The following DGKB variants were observed in gnomAD, a reference collection of about 807,000 sequenced individuals.
The protein encoded by DGKB is 90 kDa diacylglycerol kinase.
In DGKB, 67 loss-of-function variants were observed where a neutral mutation model predicts 114.3. The ratio of observed to expected loss-of-function variants is 0.59; its 90% CI spans 0.48 to 0.72. The LOEUF (loss-of-function observed/expected upper bound fraction) is 0.72. Ranked by LOEUF, DGKB falls within the 30% of genes least tolerant of loss-of-function variation. The pLI, the probability that DGKB is intolerant of heterozygous loss-of-function variation, is 0.00. For synonymous variants in DGKB, 398 were observed against 323.1 expected, an observed-to-expected ratio of 1.23 and a Z score of -2.49; for missense variants, 907 against 975.2, an observed-to-expected ratio of 0.93 and a Z score of 0.93.
At chr7:14,803,577 C>G (rs1160373775) in intron 2 of DGKB, among the ~76,000 whole-genome samples, 1 of 152,080 alleles carries the variant, frequency 6.6e-6, no homozygotes, top group Non-Finnish European at 1.5e-5. Context: ...GTTTCTTCAA[C>G]ACTGTTAGAC....
At chr7:14,866,763 G>T (rs1467804368) in intron 1 of DGKB, among the ~76,000 whole-genome samples, 1 of 152,018 alleles carries the variant, frequency 6.6e-6, no homozygotes, top group Non-Finnish European at 1.5e-5. Flanking sequence ...CTTGATGATT[G>T]GATCATATAG....
At chr7:14,173,929 G>A (rs1446172388) in intron 25 of DGKB, among the ~76,000 whole-genome samples, 2 of 152,090 alleles carry the variant, frequency 1.3e-5, no homozygotes, top group Admixed American at 6.5e-5. Flanking sequence ...TTTAACAATT[G>A]TAAGTCATGA....
At chr7:14,652,103 C>G (rs1383486400) in intron 13 of DGKB, among the ~76,000 whole-genome samples, 1 of 123,680 alleles carries the variant, frequency 8.1e-6, no homozygotes, top group Non-Finnish European at 1.7e-5. Context: ...CAATGCCATC[C>G]CCATCAAGCT....
chr7:14,324,668 A>G (rs1363576218), intron 23 of DGKB, among the ~76,000 whole-genome samples: 2 of 152,188 alleles, frequency 1.3e-5, no homozygotes, highest in African/African-American at 4.8e-5. Flanking sequence ...ATAAGAACCT[A>G]GACATACTAC....
Position 14,618,845 on chromosome 7 carries a change from T to C in DGKB, c.1284+2533A>G, listed in dbSNP as rs866860130. 7.6e-5 allele frequency among the ~76,000 whole-genome samples: 11 copies of C among 144,736 alleles called. No individual in the cohort carries two copies. The South Asian group carries it at 2.4e-3, about 32-fold the overall frequency. The allele number at this position is 144,736 out of a possible 152,430, so 95.0% of individuals were successfully genotyped here. On this transcript the variant is annotated intron_variant, in intron 15 of 25. Coordinates refer to ENST00000402815, the MANE Select transcript of DGKB (RefSeq NM_001350709.2). ...TAGATCTCTTCTGTCACTGAAGTTA[T>C]ATGCAAACTGGGCTGCAACTCAATG...
intron 20 of DGKB, among the ~76,000 whole-genome samples, chr7:14,504,575 C>T (rs987726572): frequency 1.6e-4 from 24 of 152,074 alleles, no homozygotes; most frequent in African/African-American, 5.3e-4. Context: ...ATTACTAATG[C>T]ACTGTAAAAT....
chr7:14,882,665 C>G lies in DGKB; in HGVS notation c.-188+19927G>C, dbSNP rs558928037. 1.6e-4 allele frequency among the ~76,000 whole-genome samples: 25 copies of G among 151,908 alleles called. 2 individuals are homozygous for G. In the South Asian group the frequency reaches 4.8e-3, roughly 29 times the overall value. On this transcript the variant is annotated intron_variant, in intron 1 of 25. Coordinates refer to ENST00000402815, the MANE Select transcript of DGKB (RefSeq NM_001350709.2). ...TACCCATGTGCACAGTTTTTAGCAC[C>G]CACTTATGAGTAAGAGTATGCAATA...
At chr7:14,330,423 C>A (rs1011876665) in intron 23 of DGKB, among the ~76,000 whole-genome samples, 1 of 151,890 alleles carries the variant, frequency 6.6e-6, no homozygotes, top group African/African-American at 2.4e-5. Context: ...CAGGAATGAA[C>A]AAATTGATGA....
intron 23 of DGKB, among the ~76,000 whole-genome samples, chr7:14,271,224 T>A (rs1798228018): frequency 6.6e-6 from 1 of 152,314 alleles, no homozygotes; most frequent in East Asian, 1.9e-4. Context: ...TTAACAGAAA[T>A]CTGAACTTCC....
rs1418151877 is a variant in DGKB at position 14,701,669 on chromosome 7, G to T, written c.516+12C>A. 6.3e-7 allele frequency: 1 copy of T among 1,597,980 alleles called. No individual in the cohort carries two copies. ...TTGAAGTTTTCACAGAAACTTTGAA[G>T]AAAAAAATTACCGAGCTGTCCAGGA... On this transcript the variant is annotated intron_variant, in intron 7 of 25. Coordinates refer to ENST00000402815, the MANE Select transcript of DGKB (RefSeq NM_001350709.2).
intron 1 of DGKB, among the ~76,000 whole-genome samples, chr7:14,930,405 T>C (rs370170363): frequency 9.2e-5 from 14 of 152,284 alleles, no homozygotes; most frequent in South Asian, 6.2e-4. Context: ...TGTTTTGTAG[T>C]TTTTCTTGTA....
At chr7:14,617,978 A>G (rs1050361745) in intron 15 of DGKB, among the ~76,000 whole-genome samples, 1 of 151,598 alleles carries the variant, frequency 6.6e-6, no homozygotes, top group Admixed American at 6.6e-5. Context: ...ATGTATATGG[A>G]GATACTCAGT....
chr7:14,931,642 G>A (rs1359171820), intron 1 of DGKB, among the ~76,000 whole-genome samples: 1 of 152,152 alleles, frequency 6.6e-6, no homozygotes, highest in African/African-American at 2.4e-5. Flanking sequence ...GCTGGAGGGA[G>A]TGGAACTTGC....
intron 1 of DGKB, among the ~76,000 whole-genome samples, chr7:14,962,379 G>T (rs988276853): frequency 2.0e-5 from 3 of 151,998 alleles, no homozygotes; most frequent in African/African-American, 7.2e-5. Flanking sequence ...AACAACATAA[G>T]CATTGTGTTG....
chr7:14,443,915 A>T (rs1055460311), intron 21 of DGKB, among the ~76,000 whole-genome samples: 3 of 151,852 alleles, frequency 2.0e-5, no homozygotes, highest in Non-Finnish European at 4.4e-5. Flanking sequence ...TCTGGATTCT[A>T]ATCGCATGCT....
intron 21 of DGKB, among the ~76,000 whole-genome samples, chr7:14,458,962 C>G (rs567615437): frequency 6.6e-6 from 1 of 152,322 alleles, no homozygotes; most frequent in African/African-American, 2.4e-5. Flanking sequence ...GCTTGAAATT[C>G]TCGCTGTCAG....
chr7:14,236,231 C>G (rs913473652), intron 23 of DGKB, among the ~76,000 whole-genome samples: 1 of 151,606 alleles, frequency 6.6e-6, no homozygotes, highest in Non-Finnish European at 1.5e-5. Context: ...ACAAATTAAC[C>G]AAGCTTCAGA....
intron 17 of DGKB, among the ~76,000 whole-genome samples, chr7:14,585,414 A>G (rs1800591078): frequency 1.3e-5 from 2 of 152,148 alleles, no homozygotes; most frequent in Admixed American, 1.3e-4. Context: ...CGTGTCTGAC[A>G]TAATCAACAT....
chr7:14,898,299 T>C (rs1431902105), intron 1 of DGKB, among the ~76,000 whole-genome samples: 5 of 152,022 alleles, frequency 3.3e-5, no homozygotes, highest in African/African-American at 9.7e-5. Context: ...TGGAGGGTTA[T>C]AATAAGCCAG....
Sources: allele counts gnomAD v4.1 joint callset (sites outside exome capture counted in the v4.1 genomes callset), GRCh38; gene constraint gnomAD v4.1.1; transcripts MANE v1.5; gene names NCBI Gene and HGNC (gene_info 2026-07-23, HGNC 2026-07-21).